Variants in WLS observed in about 807,000 individuals in gnomAD.
WLS encodes the protein Wnt ligand secretion mediator, also known as protein wntless homolog.
A neutral mutation model predicts 62.8 loss-of-function variants in WLS; 23 were observed. The ratio of observed to expected loss-of-function variants is 0.37; its 90% CI spans 0.26 to 0.52. The LOEUF is 0.52. Among genes scored for constraint, WLS ranks in the 20% least tolerant of loss-of-function variants. WLS has a pLI of 0.92. For synonymous variants in WLS, 246 were observed against 244.1 expected (o/e 1.01, Z -0.07); for missense variants, 615 against 697.3 (o/e 0.88, Z 1.33).
chr1:68,116,632 T>C (rs1432852028), intron 11 of WLS, among the ~76,000 whole-genome samples: 2 of 152,218 alleles, frequency 1.3e-5, no homozygotes, highest in East Asian at 1.9e-4. Flanking sequence ...ACCTGGCACA[T>C]CCATAGCAGG....
intron 4 of WLS, 119 bp from the exon 5 acceptor site, chr1:68,153,772 G>A (rs919511042): frequency 7.4e-7 from 1 of 1,351,192 alleles, no homozygotes; most frequent in African/African-American, 1.4e-5. Context: ...TCACGATCAA[G>A]AGCTTTCACA....
intron 2 of WLS, among the ~76,000 whole-genome samples, chr1:68,178,857 C>T (rs758311793): frequency 2.0e-5 from 3 of 152,098 alleles, no homozygotes; most frequent in Admixed American, 6.5e-5. Flanking sequence ...TAATGCCTAT[C>T]GAATGAATGA....
At position 68,230,363 on chromosome 1, in the gene WLS, T is replaced by A. The variant is rs529500353; in HGVS notation, c.106+1831A>T. On this transcript the variant is annotated intron_variant, in intron 1 of 11. Coordinates refer to ENST00000262348, the MANE Select transcript of WLS (RefSeq NM_024911.7). ...TTTTAATTATGGTCTGCCACTGAAA[T>A]CACACAAGATCCAATGGCATCTAAC... 3.7e-4 allele frequency among the ~76,000 whole-genome samples: 56 copies of A among 152,142 alleles called. 1 individual carries two copies. In the South Asian group the frequency reaches 0.011, roughly 29 times the overall value.
chr1:68,107,878 G>C (rs1487667469), intron 11 of WLS, among the ~76,000 whole-genome samples: 3 of 152,110 alleles, frequency 2.0e-5, no homozygotes, highest in Non-Finnish European at 4.4e-5. Context: ...CCCAGGCTCT[G>C]AGGTGGATAC....
chr1:68,188,739 G>A (rs970780945), intron 2 of WLS, among the ~76,000 whole-genome samples: 2 of 152,186 alleles, frequency 1.3e-5, no homozygotes, highest in African/African-American at 4.8e-5. Flanking sequence ...CAGCGAAGAC[G>A]CAAAGGGAGA....
chr1:68,184,757 CCA>C (rs1647810495), intron 2 of WLS, among the ~76,000 whole-genome samples: 1 of 152,208 alleles, frequency 6.6e-6, no homozygotes, highest in Non-Finnish European at 1.5e-5. Context: ...TCATAGATTT[CCA>C]CAGACAGGTC....
chr1:68,137,948 T>G lies in WLS; in HGVS notation c.1363-15A>C, dbSNP rs750483989. The G allele has an allele frequency of 1.2e-5, 20 of 1,613,478 alleles. No homozygotes were observed. The East Asian group carries it at 3.6e-4, about 29-fold the overall frequency. ...CCTTCCGTTACCTGCGGAGAAAGGA[T>G]GGTGATATTCAATTGAAACAGAGAA... On this transcript the variant is annotated splice_polypyrimidine_tract_variant and intron_variant, in intron 10 of 11. Coordinates refer to ENST00000262348, the MANE Select transcript of WLS (RefSeq NM_024911.7).
chr1:68,108,375 G>T (rs542881796), intron 11 of WLS, among the ~76,000 whole-genome samples: 54 of 152,266 alleles, frequency 3.5e-4, no homozygotes, highest in Non-Finnish European at 6.8e-4. Flanking sequence ...CCAAAAGCAG[G>T]AATAATGTTT....
At chr1:68,111,028 A>G (rs1260765943) in intron 11 of WLS, among the ~76,000 whole-genome samples, 6 of 152,210 alleles carry the variant, frequency 3.9e-5, no homozygotes, top group Middle Eastern at 3.2e-3. Context: ...AAAAGAAAAC[A>G]TTGGTAAATC....
At chr1:68,208,297 C>T (rs544491853) in intron 1 of WLS, among the ~76,000 whole-genome samples, 2 of 152,310 alleles carry the variant, frequency 1.3e-5, no homozygotes, top group South Asian at 4.1e-4. Flanking sequence ...CTTTCCCCTC[C>T]TCTCTTCAGA....
In WLS at chr1:68,148,510, A is replaced by G; in HGVS notation, c.1070+53T>C. 12 of 1,560,452 alleles carry G rather than the reference A, an allele frequency of 7.7e-6. No homozygotes were observed. In the South Asian group the frequency reaches 1.2e-4, roughly 16 times the overall value. ...CAAACACTCCTCCTAAAATGACAGG[A>G]GTGGGCGTGGTGATGCACAGTTTGG... On this transcript the variant is annotated intron_variant, in intron 7 of 11. Transcript: ENST00000262348.
At chr1:68,098,655 C>G (rs1646038321) in exon 12 of WLS, 1 of 1,613,796 alleles carries the variant, frequency 6.2e-7, no homozygotes, top group Admixed American at 1.7e-5. Flanking sequence ...GCTGCGTTGT[C>G]ATTGATGAAG....
At position 68,217,739 on chromosome 1, in the gene WLS, CA is replaced by C. The variant is rs1649785770; in HGVS notation, c.106+14454del. 1.3e-5 allele frequency among the ~76,000 whole-genome samples: 2 copies of C among 152,118 alleles called. 1 individual carries two copies. The highest frequency in any genetic ancestry group is 4.1e-4 in the South Asian group (2 of 4,830). On this transcript the variant is annotated intron_variant, in intron 1 of 11. Transcript: ENST00000262348. Reference sequence around the variant, plus strand: ...GGGCTGACACTCTGGTAATTTGCTCCAACTGTTCAGCTTAACTGTGGGGCCC... The same window carrying C: ...GGGCTGACACTCTGGTAATTTGCTCCACTGTTCAGCTTAACTGTGGGGCCC...
At chr1:68,200,540 T>C (rs1195506740) in intron 1 of WLS, among the ~76,000 whole-genome samples, 2 of 151,092 alleles carry the variant, frequency 1.3e-5, no homozygotes, top group Non-Finnish European at 2.9e-5. Flanking sequence ...TTCAAAAGTT[T>C]GGGGAGCTTA....
At position 68,101,059 on chromosome 1, in the gene WLS, G is replaced by T. The variant is rs189295545; in HGVS notation, c.1511-2306C>A. Among the ~76,000 whole-genome samples the T allele has an allele frequency of 2.9e-3, 443 of 152,294 alleles. 3 individuals carry two copies. The highest frequency in any genetic ancestry group is 0.01 in the African/African-American group (420 of 41,560). On this transcript the variant is annotated intron_variant, in intron 11 of 11. Transcript: ENST00000354777. ...TACCCCTCTCTCCCTTGAAGTGCCT[G>T]CTTTTGGTGTCTGCTGGAGGCTATG...
At chr1:68,124,882 C>A (rs1429778482), downstream of WLS, among the ~76,000 whole-genome samples, 1 of 152,148 alleles carries the variant, frequency 6.6e-6, no homozygotes, top group Admixed American at 6.5e-5. Flanking sequence ...AGGAAAAACA[C>A]ATTTATGTGG....
chr1:68,177,743 C>A (rs767118889), intron 2 of WLS, among the ~76,000 whole-genome samples: 1 of 152,156 alleles, frequency 6.6e-6, no homozygotes, highest in Non-Finnish European at 1.5e-5. Context: ...ATCTGCCCTC[C>A]TGGGCCTCCC....
chr1:68,160,640 CAATAAACAAATACAGTAACAG>C (rs1422478987), intron 2 of WLS, among the ~76,000 whole-genome samples: 3 of 152,246 alleles, frequency 2.0e-5, no homozygotes, highest in South Asian at 2.1e-4. Flanking sequence ...TCTACGTTTA[CAATAAACAAATACAGTAACAG>C]TAACTCACAC....
chr1:68,209,991 G>A (rs773860157), intron 1 of WLS, among the ~76,000 whole-genome samples: 2 of 152,146 alleles, frequency 1.3e-5, no homozygotes, highest in South Asian at 4.2e-4. Context: ...GGATACACAA[G>A]AAATACATTT....
Sources: gnomAD v4.1 joint callset for allele counts (sites outside exome capture counted in the v4.1 genomes callset) on GRCh38, gnomAD v4.1.1 for gene constraint, MANE v1.5 for transcripts, NCBI Gene and HGNC (gene_info 2026-07-23, HGNC 2026-07-21) for gene names.